Variants in PLEKHM3 observed in about 807,000 individuals in gnomAD.
PLEKHM3 encodes the protein pleckstrin homology domain-containing family M member 3.
Under a neutral mutation model 81.8 loss-of-function variants are expected in PLEKHM3, and 45 were observed. That is an observed-to-expected ratio of 0.55 (90% CI 0.43 to 0.71). The LOEUF (loss-of-function observed/expected upper bound fraction) is 0.71, where lower values mean the gene tolerates loss of function less well. PLEKHM3 is among the 30% of genes least tolerant of loss of function. The pLI, the probability that PLEKHM3 is intolerant of heterozygous loss-of-function variation, is 0.00. For missense variants in PLEKHM3, 788 were observed against 924.3 expected, an observed-to-expected ratio of 0.85 and a Z score of 1.91; for synonymous variants, 352 against 356.4, an observed-to-expected ratio of 0.99 and a Z score of 0.14.
intron 1 of PLEKHM3, among the ~76,000 whole-genome samples, chr2:208,021,847 C>T (rs1311554324): frequency 6.6e-6 from 1 of 152,200 alleles, no homozygotes; most frequent in Non-Finnish European, 1.5e-5. Flanking sequence ...TCATTGGTAA[C>T]ACCTTTCCAC....
chr2:207,952,395 C>T (rs1487959778), intron 3 of PLEKHM3, among the ~76,000 whole-genome samples: 4 of 152,150 alleles, frequency 2.6e-5, no homozygotes, highest in Non-Finnish European at 5.9e-5. Flanking sequence ...ATCATATGCT[C>T]TTCAGACCAG....
intron 6 of PLEKHM3, among the ~76,000 whole-genome samples, chr2:207,899,809 G>A (rs970387730): frequency 6.6e-6 from 1 of 152,172 alleles, no homozygotes; most frequent in African/African-American, 2.4e-5. Flanking sequence ...CCCCATGGAA[G>A]AAACACTGTA....
chr2:207,960,355 G>C (rs1690686279), intron 3 of PLEKHM3, among the ~76,000 whole-genome samples: 1 of 152,128 alleles, frequency 6.6e-6, no homozygotes, highest in Non-Finnish European at 1.5e-5. Flanking sequence ...TCAGGAAGCA[G>C]GTTTCTGTCT....
intron 1 of PLEKHM3, 97 bp from the exon 2 acceptor site, chr2:208,002,054 T>G: frequency 5.5e-6 from 1 of 180,832 alleles, no homozygotes; most frequent in Admixed American, 5.4e-5. Context: ...ATGCCCGTTC[T>G]ATGGTACTCA....
chr2:207,945,443 A>G (rs931808812), intron 4 of PLEKHM3, among the ~76,000 whole-genome samples: 2 of 152,194 alleles, frequency 1.3e-5, no homozygotes, highest in African/African-American at 4.8e-5. Flanking sequence ...TTTTTAAAAA[A>G]CAGCAGTGCT....
intron 4 of PLEKHM3, among the ~76,000 whole-genome samples, chr2:207,939,933 G>A (rs976032446): frequency 1.3e-5 from 2 of 152,198 alleles, no homozygotes; most frequent in Non-Finnish European, 2.9e-5. Context: ...GTGGCAGACG[G>A]AGGAGTCCAG....
chr2:207,873,900 C>G (rs1427455785), intron 6 of PLEKHM3, among the ~76,000 whole-genome samples: 1 of 152,194 alleles, frequency 6.6e-6, no homozygotes, highest in Non-Finnish European at 1.5e-5. Context: ...AGGTTGTGAT[C>G]TAATACATTG....
chr2:207,923,482 C>T (rs574967131), intron 5 of PLEKHM3, among the ~76,000 whole-genome samples: 89 of 152,092 alleles, frequency 5.9e-4, no homozygotes, highest in African/African-American at 2.1e-3. Flanking sequence ...TGGCACATGC[C>T]TGTAACCCCA....
chr2:207,912,054 T>G (rs533805164), intron 5 of PLEKHM3, among the ~76,000 whole-genome samples: 12 of 152,332 alleles, frequency 7.9e-5, no homozygotes, highest in Non-Finnish European at 1.5e-4. Context: ...AACAAGCACT[T>G]ACTGAGTGTC....
chr2:207,965,836 A>G (rs534822184), intron 3 of PLEKHM3, among the ~76,000 whole-genome samples: 11 of 152,366 alleles, frequency 7.2e-5, no homozygotes, highest in African/African-American at 1.9e-4. Context: ...TCCTTAGTCA[A>G]TTGATATTTC....
intron 3 of PLEKHM3, among the ~76,000 whole-genome samples, chr2:207,951,439 T>C (rs1690324705): frequency 6.6e-6 from 1 of 152,202 alleles, no homozygotes. Flanking sequence ...TCAAAGCAAA[T>C]ACATTCTTCC....
intron 1 of PLEKHM3, among the ~76,000 whole-genome samples, chr2:208,021,591 TAG>T (rs1693134698): frequency 6.6e-6 from 1 of 152,252 alleles, no homozygotes; most frequent in Non-Finnish European, 1.5e-5. Context: ...CCCCACAATG[TAG>T]AGACTTAACA....
At chr2:207,921,650 C>G (rs1305807325) in intron 5 of PLEKHM3, among the ~76,000 whole-genome samples, 3 of 152,184 alleles carry the variant, frequency 2.0e-5, no homozygotes, top group Non-Finnish European at 4.4e-5. Flanking sequence ...CAACCTCTCC[C>G]TAACCCTCTC....
intron 6 of PLEKHM3, among the ~76,000 whole-genome samples, chr2:207,904,055 G>A (rs1172256370): frequency 6.6e-6 from 1 of 152,068 alleles, no homozygotes; most frequent in Admixed American, 6.6e-5. Flanking sequence ...CATTCAAAAC[G>A]TGCACCAATA....
At chr2:207,839,923 TC>T (rs2092340780) in intron 7 of PLEKHM3, among the ~76,000 whole-genome samples, 1 of 152,108 alleles carries the variant, frequency 6.6e-6, no homozygotes, top group South Asian at 2.1e-4. Flanking sequence ...TGAGACCCTG[TC>T]TCTAAATAAA....
rs894989169 is a variant in PLEKHM3, at chr2:207,824,409, AAG to A, written c.*3908_*3909del. 2 of 152,250 alleles carry A rather than the reference AAG, an allele frequency of 1.3e-5. No individual in the cohort carries two copies. Among genetic ancestry groups the A allele is most frequent in the Non-Finnish European group, 2.9e-5 (2 of 68,046 alleles). 9.4% of individuals were successfully genotyped at this position (152,250 alleles called of 1,614,324 possible). ...ATCTGTTTCATAATCTAGTGATTTC[AAG>A]AGAGTGTGTCAGATCAACGGAGATG... On this transcript the variant is annotated 3_prime_UTR_variant, in exon 8 of 8. Transcript: ENST00000427836.
intron 3 of PLEKHM3, among the ~76,000 whole-genome samples, chr2:207,953,029 G>A (rs1690377993): frequency 6.6e-6 from 1 of 152,218 alleles, no homozygotes; most frequent in African/African-American, 2.4e-5. Flanking sequence ...TGGAGAATCA[G>A]GCACATGCCA....
chr2:208,006,544 G>A (rs1433790819), intron 1 of PLEKHM3, among the ~76,000 whole-genome samples: 2 of 152,110 alleles, frequency 1.3e-5, no homozygotes, highest in South Asian at 2.1e-4. Flanking sequence ...TGCTAACATC[G>A]AATTGCTTTG....
intron 3 of PLEKHM3, among the ~76,000 whole-genome samples, chr2:207,972,716 A>T (rs1287282225): frequency 6.6e-6 from 1 of 152,204 alleles, no homozygotes; most frequent in Non-Finnish European, 1.5e-5. Flanking sequence ...TCAAGTACAC[A>T]TTTAAGAAAT....
Sources: gnomAD v4.1 joint callset for allele counts (sites outside exome capture counted in the v4.1 genomes callset) on GRCh38, gnomAD v4.1.1 for gene constraint, MANE v1.5 for transcripts, NCBI Gene and HGNC (gene_info 2026-07-23, HGNC 2026-07-21) for gene names.